Variants in THSD7B observed in about 807,000 individuals in gnomAD.
The protein encoded by THSD7B is thrombospondin type-1 domain-containing protein 7B.
A neutral mutation model predicts 213.6 loss-of-function variants in THSD7B; 138 were observed. The observed-to-expected ratio is 0.65, with a 90% CI of 0.56 to 0.74. THSD7B has a LOEUF of 0.74. Ranked by LOEUF, THSD7B falls within the 30% of genes least tolerant of loss-of-function variation. The pLI is 0.00. For synonymous variants in THSD7B, 742 were observed against 687.0 expected, an observed-to-expected ratio of 1.08 and a Z score of -1.25; for missense variants, 1,931 against 1,991.5, an observed-to-expected ratio of 0.97 and a Z score of 0.58.
intron 1 of THSD7B, among the ~76,000 whole-genome samples, chr2:136,837,655 G>A (rs1364208456): frequency 2.6e-5 from 4 of 152,306 alleles, no homozygotes; most frequent in South Asian, 2.1e-4. Flanking sequence ...CCATTTGGAC[G>A]TGGCATTGTG....
chr2:136,807,508 C>CATTTTTTTTT (rs1314267493), intron 1 of THSD7B, among the ~76,000 whole-genome samples: 7 of 49,580 alleles, frequency 1.4e-4, no homozygotes, highest in Admixed American at 3.7e-4. Context: ...CAAAATGTTT[C>CATTTTTTTTT]GTTTTTTTTT....
At chr2:136,865,255 G>C (rs1461810595) in intron 1 of THSD7B, among the ~76,000 whole-genome samples, 1 of 152,180 alleles carries the variant, frequency 6.6e-6, no homozygotes, top group Non-Finnish European at 1.5e-5. Context: ...ATGGTGGAGA[G>C]GGCTGGACAT....
At chr2:137,108,150 C>A (rs1688289628) in intron 4 of THSD7B, among the ~76,000 whole-genome samples, 1 of 152,142 alleles carries the variant, frequency 6.6e-6, no homozygotes, top group Middle Eastern at 3.2e-3. Flanking sequence ...TTAACTAATG[C>A]AATTATTCTT....
chr2:137,400,919 G>A (rs1037317404), intron 12 of THSD7B, among the ~76,000 whole-genome samples: 1 of 152,136 alleles, frequency 6.6e-6, no homozygotes, highest in Non-Finnish European at 1.5e-5. Flanking sequence ...AGTGGCAGGG[G>A]CATTTGCCAG....
chr2:137,251,226 C>T (rs1191456186), intron 10 of THSD7B, among the ~76,000 whole-genome samples: 1 of 152,164 alleles, frequency 6.6e-6, no homozygotes, highest in Non-Finnish European at 1.5e-5. Context: ...ATTTGCATAG[C>T]TTAATGCAAG....
At chr2:137,242,379 G>C (rs1681929634) in intron 9 of THSD7B, 78 bp from the exon 10 acceptor site, 2 of 1,142,278 alleles carry the variant, frequency 1.8e-6, no homozygotes, top group Non-Finnish European at 2.6e-6. Flanking sequence ...AATATTTTCG[G>C]TTCTAAAATC....
chr2:137,593,263 C>G (rs1042569416), intron 17 of THSD7B, among the ~76,000 whole-genome samples: 1 of 151,602 alleles, frequency 6.6e-6, no homozygotes, highest in Non-Finnish European at 1.5e-5. Context: ...ATATCTGCAC[C>G]CATTTCTCTT....
intron 3 of THSD7B, among the ~76,000 whole-genome samples, chr2:137,075,200 C>T (rs1183139684): frequency 6.6e-6 from 1 of 152,230 alleles, no homozygotes; most frequent in South Asian, 2.1e-4. Flanking sequence ...TGGTTCCATT[C>T]TCCCCATCAC....
intron 26 of THSD7B, among the ~76,000 whole-genome samples, chr2:137,666,601 T>C (rs1380534121): frequency 6.7e-6 from 1 of 149,494 alleles, no homozygotes; most frequent in Non-Finnish European, 1.5e-5. Flanking sequence ...TGTAGTTAAT[T>C]ACATTCGTGT....
chr2:136,996,510 T>TA lies in THSD7B; in HGVS notation c.140-59901dup, dbSNP rs201710917. Among the ~76,000 whole-genome samples, 66 of 151,240 alleles carry TA rather than the reference T, an allele frequency of 4.4e-4. 1 individual carries two copies. Among genetic ancestry groups the TA allele is most frequent in the Admixed American group, 2.0e-3 (30 of 15,188 alleles). ...GCATGTACCACTGTGCCTGGCTAAT[T>TA]AAAAAAAAATTATTTGTAGAGATGG... On this transcript the variant is annotated intron_variant, in intron 2 of 27. Transcript: ENST00000409968.
At chr2:136,868,113 C>G (rs569301409) in intron 1 of THSD7B, among the ~76,000 whole-genome samples, 1 of 138,424 alleles carries the variant, frequency 7.2e-6, no homozygotes, top group Non-Finnish European at 1.6e-5. Flanking sequence ...CACACACACA[C>G]GCGCGCGCAC....
At chr2:137,509,178 T>A (rs1679905734) in intron 15 of THSD7B, among the ~76,000 whole-genome samples, 2 of 152,208 alleles carry the variant, frequency 1.3e-5, no homozygotes, top group South Asian at 4.1e-4. Context: ...ATATTTGTCC[T>A]GCACAACTTA....
chr2:137,627,498 A>T (rs1003316444), intron 20 of THSD7B, among the ~76,000 whole-genome samples: 2 of 152,188 alleles, frequency 1.3e-5, no homozygotes, highest in African/African-American at 4.8e-5. Flanking sequence ...AGAAGTCCTG[A>T]TATTGGACCA....
intron 17 of THSD7B, among the ~76,000 whole-genome samples, chr2:137,597,230 G>A (rs1017540588): frequency 1.3e-5 from 2 of 151,962 alleles, no homozygotes; most frequent in African/African-American, 4.8e-5. Context: ...TTAGAATAAT[G>A]GGATTCTGCC....
At chr2:136,984,529 C>G (rs1018275185) in intron 2 of THSD7B, among the ~76,000 whole-genome samples, 1 of 152,184 alleles carries the variant, frequency 6.6e-6, no homozygotes, top group African/African-American at 2.4e-5. Flanking sequence ...TGGGTCCTCA[C>G]TAGAAGTCCA....
At chr2:137,265,535 T>C (rs1682567663) in intron 10 of THSD7B, among the ~76,000 whole-genome samples, 1 of 152,204 alleles carries the variant, frequency 6.6e-6, no homozygotes, top group Non-Finnish European at 1.5e-5. Flanking sequence ...TGCGGCATTA[T>C]TCACAATAGC....
chr2:137,243,063 T>C (rs533790476), intron 10 of THSD7B, among the ~76,000 whole-genome samples: 1 of 152,340 alleles, frequency 6.6e-6, no homozygotes, highest in Admixed American at 6.5e-5. Flanking sequence ...ATATGATTTG[T>C]ATTTCTTTAT....
At chr2:137,193,582 G>C (rs1680701541) in intron 7 of THSD7B, among the ~76,000 whole-genome samples, 1 of 152,096 alleles carries the variant, frequency 6.6e-6, no homozygotes, top group African/African-American at 2.4e-5. Flanking sequence ...GTAGGCTCAG[G>C]TTCTGAAGGA....
At chr2:137,603,919 T>C (rs1476579226) in intron 17 of THSD7B, among the ~76,000 whole-genome samples, 2 of 152,090 alleles carry the variant, frequency 1.3e-5, no homozygotes, top group Non-Finnish European at 2.9e-5. Flanking sequence ...AAGAGTAGCC[T>C]GGCCAACATG....
Sources: gnomAD v4.1 joint callset for allele counts (sites outside exome capture counted in the v4.1 genomes callset) on GRCh38, gnomAD v4.1.1 for gene constraint, MANE v1.5 for transcripts, NCBI Gene and HGNC (gene_info 2026-07-23, HGNC 2026-07-21) for gene names.